C10orf90: variants seen among roughly 807,000 people sequenced by gnomAD.
C10orf90 encodes the protein chromosome 10 open reading frame 90, also known as (E2-independent) E3 ubiquitin-conjugating enzyme FATS.
A neutral mutation model predicts 62.5 loss-of-function variants in C10orf90; 56 were observed. That is an observed-to-expected ratio of 0.90 (90% CI 0.72 to 1.12). The LOEUF is 1.12. Ranked by LOEUF, C10orf90 falls within the 50% of genes most tolerant of loss-of-function variation. The pLI, the probability that C10orf90 is intolerant of heterozygous loss-of-function variation, is 0.00. For synonymous variants in C10orf90, 386 were observed against 340.4 expected, an observed-to-expected ratio of 1.13 and a Z score of -1.47; for missense variants, 970 against 880.4, an observed-to-expected ratio of 1.10 and a Z score of -1.29.
At chr10:126,491,328 T>C (rs572342543) in intron 4 of C10orf90, among the ~76,000 whole-genome samples, 1 of 152,282 alleles carries the variant, frequency 6.6e-6, no homozygotes, top group African/African-American at 2.4e-5. Flanking sequence ...GAAGATTGAA[T>C]GCAAAAAGAT....
chr10:126,539,042 T>G (rs1864313283), intron 2 of C10orf90, among the ~76,000 whole-genome samples: 1 of 152,174 alleles, frequency 6.6e-6, no homozygotes, highest in South Asian at 2.1e-4. Flanking sequence ...TTGAAGTTGA[T>G]TAAACATCCC....
chr10:126,574,503 C>T (rs1027861715), intron 2 of C10orf90, among the ~76,000 whole-genome samples: 1 of 151,730 alleles, frequency 6.6e-6, no homozygotes, highest in African/African-American at 2.4e-5. Context: ...AAACATAATG[C>T]AAAAATTTTA....
At chr10:126,646,837 T>C (rs1846182092) in intron 1 of C10orf90, among the ~76,000 whole-genome samples, 200 bp from the exon 2 acceptor site, 1 of 152,148 alleles carries the variant, frequency 6.6e-6, no homozygotes. Context: ...GGAAGGTTTT[T>C]GAGGATTTCA....
chr10:126,517,723 A>G (rs928328168), intron 2 of C10orf90, among the ~76,000 whole-genome samples: 17 of 152,166 alleles, frequency 1.1e-4, no homozygotes, highest in Non-Finnish European at 2.1e-4. Context: ...CATCCTGGCC[A>G]ACATGGCGAA....
chr10:126,546,243 C>T (rs994676571), intron 2 of C10orf90, among the ~76,000 whole-genome samples: 6 of 152,230 alleles, frequency 3.9e-5, no homozygotes, highest in African/African-American at 1.4e-4. Context: ...CTCATGCCCA[C>T]ATGCCAGCAA....
At chr10:126,588,684 C>T (rs895239408) in intron 2 of C10orf90, among the ~76,000 whole-genome samples, 6 of 152,152 alleles carry the variant, frequency 3.9e-5, no homozygotes, top group African/African-American at 1.4e-4. Context: ...AAAGACTCCA[C>T]AAAAACTCCA....
intron 2 of C10orf90, among the ~76,000 whole-genome samples, chr10:126,522,183 G>A (rs1390935443): frequency 2.6e-5 from 4 of 152,170 alleles, no homozygotes; most frequent in Non-Finnish European, 5.9e-5. Flanking sequence ...CAGGACAATC[G>A]CTTGAACCTG....
chr10:126,540,610 G>A (rs1591081777), intron 2 of C10orf90, among the ~76,000 whole-genome samples: 1 of 150,642 alleles, frequency 6.6e-6, no homozygotes, highest in East Asian at 2.0e-4. Context: ...AGTGAGCTGA[G>A]ATCATGTCAC....
chr10:126,589,269 G>A (rs947427553), intron 2 of C10orf90, among the ~76,000 whole-genome samples: 12 of 152,130 alleles, frequency 7.9e-5, no homozygotes, highest in African/African-American at 2.9e-4. Context: ...ACAGAACCAA[G>A]TTGGAAAACG....
At chr10:126,571,643 G>A (rs748224125) in intron 2 of C10orf90, among the ~76,000 whole-genome samples, 33 of 152,196 alleles carry the variant, frequency 2.2e-4, no homozygotes, top group Non-Finnish European at 4.4e-4. Context: ...AAGTGTCTCC[G>A]GGAATAAGCA....
chr10:126,520,161 C>T (rs946516599), intron 2 of C10orf90: 3 of 152,418 alleles, frequency 2.0e-5, no homozygotes, highest in African/African-American at 7.2e-5. Context: ...GGCTGGTTTG[C>T]TCCTGAGACA....
intron 2 of C10orf90, among the ~76,000 whole-genome samples, chr10:126,560,495 C>G (rs1366851842): frequency 6.6e-6 from 1 of 152,126 alleles, no homozygotes; most frequent in Non-Finnish European, 1.5e-5. Flanking sequence ...TGTGTCCAGT[C>G]CTGACTCACA....
In C10orf90 at chr10:126,560,375, C is replaced by T. The variant is rs546978665; in HGVS notation, c.314-46436G>A. Among the ~76,000 whole-genome samples, 134 of 152,282 alleles carry T rather than the reference C, an allele frequency of 8.8e-4. 1 individual carries two copies. The highest frequency in any genetic ancestry group is 3.2e-3 in the African/African-American group (131 of 41,550). The stretch of plus-strand genomic sequence containing the variant: ...CTCACTTTGCTGAAGGTTCGAGGCA[C>T]GGTGATAAATGGTGAATAATAAGCT... On this transcript the variant is annotated intron_variant, in intron 2 of 9. Coordinates refer to ENST00000488181, the MANE Select transcript of C10orf90 (RefSeq NM_001350921.2).
At chr10:126,551,339 G>A (rs1864625561) in intron 2 of C10orf90, among the ~76,000 whole-genome samples, 1 of 152,344 alleles carries the variant, frequency 6.6e-6, no homozygotes, top group East Asian at 1.9e-4. Context: ...TCTGCCTGGT[G>A]CAATAATAGA....
At chr10:126,635,956 T>C (rs986241622) in intron 2 of C10orf90, among the ~76,000 whole-genome samples, 1 of 152,062 alleles carries the variant, frequency 6.6e-6, no homozygotes, top group Non-Finnish European at 1.5e-5. Flanking sequence ...ATTCAGGAGC[T>C]CTCCCCTCAG....
chr10:126,623,839 TCAAAAA>T (rs1564897233), intron 2 of C10orf90, among the ~76,000 whole-genome samples: 2 of 136,628 alleles, frequency 1.5e-5, no homozygotes. Flanking sequence ...AGACTCCATC[TCAAAAA>T]AAAAAAAAAA....
At chr10:126,551,060 T>C (rs575533971) in intron 2 of C10orf90, among the ~76,000 whole-genome samples, 2 of 152,296 alleles carry the variant, frequency 1.3e-5, no homozygotes, top group African/African-American at 4.8e-5. Flanking sequence ...ATGTTCTAAA[T>C]ACACAAATAC....
rs60326743 is a variant in C10orf90, at chr10:126,444,893, C to A, written c.2188+14147G>T. On this transcript the variant is annotated intron_variant, in intron 7 of 9. Coordinates refer to ENST00000488181, the MANE Select transcript of C10orf90 (RefSeq NM_001350921.2). ...AATACTTACAGCCACTGATCTTTGA[C>A]AAAGCAAACAAAAACATAAAGTGGG... 1.3e-5 allele frequency among the ~76,000 whole-genome samples: 2 copies of A among 152,120 alleles called. 1 individual carries two copies. Among genetic ancestry groups the A allele is most frequent in the South Asian group, 4.2e-4 (2 of 4,812 alleles).
chr10:126,426,071 C>G lies in C10orf90; in HGVS notation c.2272G>C (p.Glu758Gln), dbSNP rs146332380. 9 of 1,613,790 alleles carry G rather than the reference C, an allele frequency of 5.6e-6. 1 individual carries two copies. The highest frequency in any genetic ancestry group is 7.6e-6 in the Non-Finnish European group (9 of 1,179,804). ...TGTTCTTCTTTTTTCTTTTTAACTT[C>G]CGGCAAGTTATCATAGATTCTGAAA... is the stretch of plus-strand genomic sequence containing the variant. ...RSKRIYDNLP[E>Q]VKKKKEEQRK... Residue 758 changes from glutamate to glutamine, a missense_variant, in exon 9 of 10, where the codon GAA becomes CAA. Coordinates refer to ENST00000488181, the MANE Select transcript of C10orf90 (RefSeq NM_001350921.2).
Sources: allele counts gnomAD v4.1 joint callset (sites outside exome capture counted in the v4.1 genomes callset), GRCh38; gene constraint gnomAD v4.1.1; transcripts MANE v1.5; gene names NCBI Gene and HGNC (gene_info 2026-07-23, HGNC 2026-07-21).